The following NFYC variants were observed in gnomAD, a reference collection of about 807,000 sequenced individuals.
NFYC encodes CAAT box DNA-binding protein subunit C.
NFYC carries 25 observed loss-of-function variants against 53.1 expected under a neutral mutation model. The ratio of observed to expected loss-of-function variants is 0.47; its 90% CI spans 0.34 to 0.66. NFYC has a LOEUF of 0.66. Among genes scored for constraint, NFYC ranks in the 30% least tolerant of loss-of-function variants. The pLI, the probability that NFYC is intolerant of heterozygous loss-of-function variation, is 0.01. For missense variants in NFYC, 260 were observed against 422.7 expected (o/e 0.62, Z 3.38); for synonymous variants, 145 against 152.6 (o/e 0.95, Z 0.37).
intron 1 of NFYC, among the ~76,000 whole-genome samples, chr1:40,728,282 T>C (rs1184592968): frequency 6.6e-6 from 1 of 152,168 alleles, no homozygotes; most frequent in Admixed American, 6.5e-5. Context: ...GCAGAATGGA[T>C]ATTGTGTTAG....
chr1:40,714,765 T>C (rs902484227), intron 1 of NFYC, among the ~76,000 whole-genome samples: 1 of 152,080 alleles, frequency 6.6e-6, no homozygotes, highest in Non-Finnish European at 1.5e-5. Context: ...AGATGCACGC[T>C]ACTAGGCCTG....
intron 1 of NFYC, 195 bp downstream of exon 1, chr1:40,692,062 C>G: frequency 4.9e-6 from 1 of 203,132 alleles, no homozygotes; most frequent in South Asian, 4.6e-5. Flanking sequence ...TCGTGGGGTC[C>G]GTGTGCCTCG....
intron 1 of NFYC, among the ~76,000 whole-genome samples, chr1:40,721,897 G>A (rs1175918540): frequency 5.9e-5 from 9 of 152,040 alleles, no homozygotes; most frequent in Admixed American, 2.0e-4. Flanking sequence ...AAGGCCGGGC[G>A]CGGTGGCTCA....
chr1:40,770,717 C>T lies in NFYC; in HGVS notation c.897C>T (p.Tyr299=). Residue 299 remains tyrosine (Y), a synonymous_variant, in exon 10 of 10, where the codon TAC becomes TAT. Transcript: ENST00000447388. The surrounding 1 kb of genome is among the most constrained non-coding windows in gnomAD (Gnocchi z 5.3). ...FSQFTDGQQL[Y]QIQQVTMPAG... ...CTCTCCACCCCTCGCAGCAGCTCTA[C>T]CAGATCCAGCAAGTCACCATGCCTG... 2 of 1,614,170 alleles carry T rather than the reference C, an allele frequency of 1.2e-6. No homozygotes were observed. Among genetic ancestry groups the T allele is most frequent in the Middle Eastern group, 1.6e-4 (1 of 6,062 alleles).
At chr1:40,727,467 C>T (rs1644568655) in intron 1 of NFYC, among the ~76,000 whole-genome samples, 1 of 151,884 alleles carries the variant, frequency 6.6e-6, no homozygotes, top group African/African-American at 2.4e-5. Context: ...AAGCAGTCCT[C>T]CCGCCTTGGC....
intron 1 of NFYC, among the ~76,000 whole-genome samples, chr1:40,704,520 A>G (rs1166283812): frequency 6.6e-6 from 1 of 152,194 alleles, no homozygotes; most frequent in Non-Finnish European, 1.5e-5. Context: ...AGAAAGCTAT[A>G]GTAAGAGTGA....
intron 1 of NFYC, chr1:40,692,104 C>G: frequency 5.1e-6 from 1 of 194,668 alleles, no homozygotes; most frequent in South Asian, 5.2e-5. Context: ...CTCCCATTGG[C>G]GGAAGGCGAC....
chr1:40,706,015 G>A (rs1270321045), intron 1 of NFYC, among the ~76,000 whole-genome samples: 3 of 152,134 alleles, frequency 2.0e-5, no homozygotes, highest in Non-Finnish European at 2.9e-5. Context: ...CAAAATGCTG[G>A]GATTACAGGT....
rs746006216 is a variant in NFYC, at chr1:40,749,675, C to A, written c.280C>A (p.Arg94=). 2 of 1,613,746 alleles carry A rather than the reference C, an allele frequency of 1.2e-6. No individual in the cohort carries two copies. Among genetic ancestry groups the A allele is most frequent in the African/African-American group, 2.7e-5 (2 of 74,896 alleles). The change falls in exon 4 of 10, where the codon CGG becomes AGG. Residue 94 remains arginine (R), a synonymous_variant. Coordinates refer to ENST00000447388, the MANE Select transcript of NFYC (RefSeq NM_014223.5). ...GATTCACACAGAAGATAACAAGCGCCGGACTCTACAGGTATTATTGCAGAC... is the reference window on the plus strand; with the variant it reads ...GATTCACACAGAAGATAACAAGCGCAGGACTCTACAGGTATTATTGCAGAC... ...AWIHTEDNKR[R]TLQRNDIAMA... is the part of the protein sequence containing the mutation.
chr1:40,728,660 C>T (rs911105473), intron 1 of NFYC, among the ~76,000 whole-genome samples: 5 of 152,038 alleles, frequency 3.3e-5, no homozygotes, highest in South Asian at 2.1e-4. Flanking sequence ...TTTTTTGAGA[C>T]GGAGTCTCGC....
chr1:40,759,559 ATGTGTGTGTGTG>A (rs145020339), intron 6 of NFYC, among the ~76,000 whole-genome samples: 8 of 149,320 alleles, frequency 5.4e-5, no homozygotes, highest in Middle Eastern at 6.9e-3. Flanking sequence ...AAAAAAGTAT[ATGTGTGTGTGTG>A]TGTGTATGTG....
At chr1:40,750,255 T>C (rs1470159940) in intron 4 of NFYC, among the ~76,000 whole-genome samples, 1 of 152,162 alleles carries the variant, frequency 6.6e-6, no homozygotes, top group African/African-American at 2.4e-5. Context: ...AGCCAAGCCC[T>C]GGCTCTTAGA....
intron 1 of NFYC, among the ~76,000 whole-genome samples, chr1:40,720,818 A>G (rs1484814237): frequency 2.6e-5 from 4 of 152,242 alleles, no homozygotes; most frequent in East Asian, 1.9e-4. Context: ...TCAGTGAGCC[A>G]TGATTACGCC....
intron 2 of NFYC, among the ~76,000 whole-genome samples, chr1:40,742,156 T>G (rs1645382848): frequency 6.6e-6 from 1 of 151,664 alleles, no homozygotes; most frequent in Non-Finnish European, 1.5e-5. Context: ...AGCAATCCTC[T>G]TGCCTTGGCC....
intron 6 of NFYC, among the ~76,000 whole-genome samples, chr1:40,762,578 G>T (rs1646603612): frequency 6.6e-6 from 1 of 152,166 alleles, no homozygotes; most frequent in Non-Finnish European, 1.5e-5. Flanking sequence ...TTTCTGTAGT[G>T]TATGTGCCTT....
At chr1:40,769,115 G>T in intron 8 of NFYC, 1 of 474,160 alleles carries the variant, frequency 2.1e-6, no homozygotes, top group Non-Finnish European at 3.9e-6. Context: ...TAGAGAGATG[G>T]GTGTGGGAAC....
rs576118369 is a variant in NFYC, at chr1:40,695,268, T to C, written c.-9+3401T>C. 1.8e-3 allele frequency among the ~76,000 whole-genome samples: 281 copies of C among 152,200 alleles called. 3 individuals carry two copies. The highest frequency in any genetic ancestry group is 6.3e-3 in the African/African-American group (262 of 41,522). On this transcript the variant is annotated intron_variant, in intron 1 of 9. Transcript: ENST00000447388. ...AAAATAAATAAAAATCCCAAAACTG[T>C]ACTAGAGAAGATTTTACAAGGCATT...
rs1165073873 is a variant in NFYC, at chr1:40,770,577, C to G, written c.889-132C>G. On this transcript the variant is annotated intron_variant, in intron 9 of 9. Coordinates refer to ENST00000447388, the MANE Select transcript of NFYC (RefSeq NM_014223.5). The surrounding 1 kb of genome is among the most constrained non-coding windows in gnomAD (Gnocchi z 5.3). Reference sequence around the variant, plus strand: ...CCAACCCCAGCAGAGCTCCACTTCCCCTCCTCCTTCTGACGCCTTGCAGTG... The same window carrying G: ...CCAACCCCAGCAGAGCTCCACTTCCGCTCCTCCTTCTGACGCCTTGCAGTG... 6.2e-7 allele frequency: 1 copy of G among 1,608,252 alleles called. No homozygotes were observed. The highest frequency in any genetic ancestry group is 2.2e-5 in the East Asian group (1 of 44,526).
At chr1:40,749,876 A>G (rs187689157) in intron 4 of NFYC, among the ~76,000 whole-genome samples, 190 bp downstream of exon 4, 5 of 152,338 alleles carry the variant, frequency 3.3e-5, no homozygotes, top group Admixed American at 2.6e-4. Flanking sequence ...TGGGAGGCAG[A>G]CATACCTTCT....
Sources: gnomAD v4.1 joint callset for allele counts (sites outside exome capture counted in the v4.1 genomes callset) on GRCh38, gnomAD v4.1.1 for gene constraint, Gnocchi (gnomAD v3.1) non-coding constraint, MANE v1.5 for transcripts, NCBI Gene and HGNC (gene_info 2026-07-23, HGNC 2026-07-21) for gene names.